The following STK3 variants were observed in gnomAD, a reference collection of about 807,000 sequenced individuals.
STK3 encodes the protein serine/threonine kinase 3.
A neutral mutation model predicts 58.0 loss-of-function variants in STK3; 41 were observed. The observed-to-expected ratio is 0.71, with a 90% CI of 0.55 to 0.92. The LOEUF (loss-of-function observed/expected upper bound fraction) is 0.92. STK3 is among the 40% of genes least tolerant of loss of function. The probability of loss-of-function intolerance (pLI) is 0.00; values close to 1 mark genes in which losing one functional copy is unlikely to be tolerated. For synonymous variants in STK3, 170 were observed against 191.0 expected, an observed-to-expected ratio of 0.89 and a Z score of 0.91; for missense variants, 479 against 602.7, an observed-to-expected ratio of 0.79 and a Z score of 2.15.
At chr8:98,586,980 TTCTC>T (rs1397277086) in intron 7 of STK3, among the ~76,000 whole-genome samples, 7 of 152,264 alleles carry the variant, frequency 4.6e-5, no homozygotes, top group African/African-American at 9.6e-5. Context: ...TATTTGATTC[TTCTC>T]TCTTTTTTTC....
intron 9 of STK3, among the ~76,000 whole-genome samples, chr8:98,540,680 G>T (rs958911497): frequency 4.6e-5 from 7 of 152,056 alleles, no homozygotes; most frequent in Non-Finnish European, 1.0e-4. Flanking sequence ...AGCAACCACT[G>T]CCGTGTGCCC....
intron 6 of STK3, among the ~76,000 whole-genome samples, chr8:98,612,092 A>G (rs1273486833): frequency 6.7e-6 from 1 of 149,690 alleles, no homozygotes; most frequent in East Asian, 1.9e-4. Context: ...ATATATGTGT[A>G]TGTATGTCAC....
chr8:98,562,429 AAT>A (rs1469848192), intron 8 of STK3, among the ~76,000 whole-genome samples: 2 of 152,252 alleles, frequency 1.3e-5, no homozygotes, highest in African/African-American at 2.4e-5. Context: ...AAGGCTACAT[AAT>A]ATATGATTCC....
intron 3 of STK3, among the ~76,000 whole-genome samples, chr8:98,865,822 C>T (rs1179077027): frequency 6.6e-6 from 1 of 152,324 alleles, no homozygotes; most frequent in East Asian, 1.9e-4. Context: ...GTATCAAAGC[C>T]CCGTTAGTGC....
intron 6 of STK3, among the ~76,000 whole-genome samples, chr8:98,676,614 TAA>T (rs773621636): frequency 3.6e-5 from 5 of 137,420 alleles, no homozygotes; most frequent in East Asian, 4.2e-4. Context: ...ACTCTATCTT[TAA>T]AAAAAAAAAA....
chr8:98,779,265 G>A (rs185014866), intron 1 of STK3, among the ~76,000 whole-genome samples: 2 of 152,250 alleles, frequency 1.3e-5, no homozygotes, highest in East Asian at 3.9e-4. Context: ...GAGGTATTCT[G>A]GTAATGCCAC....
chr8:98,491,761 T>A (rs1276993872), intron 10 of STK3, among the ~76,000 whole-genome samples: 1 of 152,186 alleles, frequency 6.6e-6, no homozygotes, highest in Non-Finnish European at 1.5e-5. Flanking sequence ...AGGACAGTAT[T>A]AATACAGGAA....
At chr8:98,773,779 TTTTATTTA>T (rs56774049) in intron 2 of STK3, among the ~76,000 whole-genome samples, 2 of 150,956 alleles carry the variant, frequency 1.3e-5, no homozygotes, top group Non-Finnish European at 2.9e-5. Flanking sequence ...TATTTTTATT[TTTTATTTA>T]TTTATTTATT....
chr8:98,536,983 A>G (rs928169338), intron 9 of STK3, among the ~76,000 whole-genome samples: 1 of 152,226 alleles, frequency 6.6e-6, no homozygotes, highest in Non-Finnish European at 1.5e-5. Flanking sequence ...AACCTATGGC[A>G]AAATGCCTTT....
At chr8:98,536,716 G>T (rs182658149) in intron 9 of STK3, among the ~76,000 whole-genome samples, 7 of 152,320 alleles carry the variant, frequency 4.6e-5, no homozygotes, top group Non-Finnish European at 1.0e-4. Flanking sequence ...AATGAGAAAA[G>T]AAATTAATCT....
chr8:98,617,979 C>A (rs1403176179), intron 6 of STK3, among the ~76,000 whole-genome samples: 2 of 152,112 alleles, frequency 1.3e-5, no homozygotes, highest in Non-Finnish European at 2.9e-5. Context: ...CAGCATCATT[C>A]TGATACCAAA....
intron 3 of STK3, among the ~76,000 whole-genome samples, chr8:98,409,017 A>G (rs546292323): frequency 6.6e-6 from 1 of 152,170 alleles, no homozygotes; most frequent in East Asian, 1.9e-4. Flanking sequence ...TTGAAACCCC[A>G]TGAACACCCT....
chr8:98,404,155 CTG>C (rs1477391341), intron 3 of STK3, among the ~76,000 whole-genome samples: 1 of 152,194 alleles, frequency 6.6e-6, no homozygotes, highest in African/African-American at 2.4e-5. Context: ...TCCTCAAACC[CTG>C]TCCTTTTGCC....
the STK3 span, among the ~76,000 whole-genome samples, chr8:98,346,946 T>C: frequency 2.0e-5 from 3 of 151,882 alleles, no homozygotes; most frequent in African/African-American, 7.3e-5. Flanking sequence ...AATATAATTA[T>C]ATTTTTAAGC....
chr8:98,716,072 G>A (rs1826985623), intron 4 of STK3, among the ~76,000 whole-genome samples: 1 of 152,112 alleles, frequency 6.6e-6, no homozygotes, highest in Non-Finnish European at 1.5e-5. Context: ...CTCATAGGTG[G>A]AAATTGAACA....
chr8:98,722,081 T>G (rs1827470177), intron 4 of STK3, among the ~76,000 whole-genome samples: 1 of 152,054 alleles, frequency 6.6e-6, no homozygotes, highest in African/African-American at 2.4e-5. Context: ...GAAGTGGCAT[T>G]AAAATCAAGC....
intron 1 of STK3, chr8:98,905,067 G>A (rs1371474710): frequency 1.4e-5 from 15 of 1,108,408 alleles, no homozygotes; most frequent in African/African-American, 7.6e-5. Flanking sequence ...GGTGTAAGGC[G>A]TGTGAACTGC....
chr8:98,351,890 T>C, the STK3 span, among the ~76,000 whole-genome samples: 14 of 152,296 alleles, frequency 9.2e-5, no homozygotes, highest in Non-Finnish European at 1.6e-4. Context: ...CTGGGCGTGG[T>C]GCCTCACGCC....
At chr8:98,825,878 G>T (rs1835264677), upstream of STK3, among the ~76,000 whole-genome samples, 1 of 21,292 alleles carries the variant, frequency 4.7e-5, no homozygotes, top group African/African-American at 2.2e-4. Context: ...GCCCCCGGCC[G>T]CGCCGGCCGC....
Sources: allele counts gnomAD v4.1 joint callset (sites outside exome capture counted in the v4.1 genomes callset), GRCh38; gene constraint gnomAD v4.1.1; transcripts MANE v1.5; gene names NCBI Gene and HGNC (gene_info 2026-07-23, HGNC 2026-07-21).